Variants in ADCY9 observed in about 807,000 individuals in gnomAD.
ADCY9 encodes adenylate cyclase 9, also known as adenylate cyclase type 9.
Under a neutral mutation model 101.5 loss-of-function variants are expected in ADCY9, and 50 were observed. That is an observed-to-expected ratio of 0.49 (90% CI 0.39 to 0.62). The LOEUF (loss-of-function observed/expected upper bound fraction) is 0.62. Among genes scored for constraint, ADCY9 ranks in the 20% least tolerant of loss-of-function variants. The pLI, the probability that ADCY9 is intolerant of heterozygous loss-of-function variation, is 0.00. For missense variants in ADCY9, 1,662 were observed against 1,800.4 expected (o/e 0.92, Z 1.39); for synonymous variants, 905 against 769.3 (o/e 1.18, Z -2.92).
intron 2 of ADCY9, among the ~76,000 whole-genome samples, chr16:4,017,180 T>TTAA (rs528115192): frequency 4.7e-5 from 7 of 149,360 alleles, no homozygotes; most frequent in Non-Finnish European, 7.4e-5. Context: ...AATAATAATA[T>TTAA]TAATAATACA....
At chr16:4,100,040 C>A (rs943648507) in intron 2 of ADCY9, among the ~76,000 whole-genome samples, 1 of 152,028 alleles carries the variant, frequency 6.6e-6, no homozygotes, top group Non-Finnish European at 1.5e-5. Context: ...CCCCATGTGT[C>A]GAGGGAGGGA....
intron 2 of ADCY9, among the ~76,000 whole-genome samples, chr16:4,097,544 TATATA>T (rs1302073590): frequency 2.0e-5 from 1 of 50,256 alleles, no homozygotes; most frequent in African/African-American, 1.3e-4. Context: ...TATATATATA[TATATA>T]TATATTTTTT....
In ADCY9 at chr16:3,992,279, G is replaced by C. The variant is rs1321369782; in HGVS notation, c.2074C>G (p.Leu692Val). The change falls in exon 5 of 11, where the codon CTG becomes GTG. Residue 692 changes from leucine to valine, a missense_variant. By Grantham distance (32) the Leu-to-Val change is conservative. Around this residue, in one of 5 missense-constraint regions of ADCY9, gnomAD observed 624 missense variants for 639.1 expected, o/e 0.98. Transcript: ENST00000294016. The surrounding 1 kb of genome is among the most constrained non-coding windows in gnomAD (Gnocchi z 4.2). ...CCCTTCTCCTGCAAGATCTCACACA[G>C]AGAAGTCTGACTGTTGGTGAGCTTC... ...EEKLTNSQTS[L>V]CEILQEKGRW... The C allele has an allele frequency of 1.9e-6, 3 of 1,614,190 alleles. No individual in the cohort carries two copies. The highest frequency in any genetic ancestry group is 2.2e-5 in the South Asian group (2 of 91,084).
At chr16:4,108,673 A>T (rs1411196961) in intron 2 of ADCY9, among the ~76,000 whole-genome samples, 2 of 115,622 alleles carry the variant, frequency 1.7e-5, no homozygotes, top group African/African-American at 6.6e-5. Flanking sequence ...CGCCCGGCCC[A>T]TTTCTCCATA....
intron 2 of ADCY9, among the ~76,000 whole-genome samples, chr16:4,068,588 G>A (rs926827892): frequency 2.6e-5 from 4 of 152,062 alleles, no homozygotes; most frequent in Non-Finnish European, 5.9e-5. Context: ...GCCTAGATGA[G>A]CGGATCATGA....
At chr16:4,042,179 T>G (rs2056632190) in intron 2 of ADCY9, among the ~76,000 whole-genome samples, 2 of 152,172 alleles carry the variant, frequency 1.3e-5, no homozygotes, top group African/African-American at 2.4e-5. Flanking sequence ...CACCTCAGCC[T>G]CCGAAAGTGC....
At chr16:4,071,985 C>A (rs1423317760) in intron 2 of ADCY9, among the ~76,000 whole-genome samples, 3 of 152,128 alleles carry the variant, frequency 2.0e-5, no homozygotes, top group Non-Finnish European at 4.4e-5. Context: ...TCTCTGTGTG[C>A]ACAGAATTCT....
At chr16:4,100,621 C>T (rs1375813146) in intron 2 of ADCY9, among the ~76,000 whole-genome samples, 2 of 151,990 alleles carry the variant, frequency 1.3e-5, no homozygotes, top group East Asian at 1.9e-4. Context: ...GTGAGCCATG[C>T]ACCTGGCCTC....
chr16:4,074,558 A>T (rs1316984980), intron 2 of ADCY9, among the ~76,000 whole-genome samples: 6 of 151,254 alleles, frequency 4.0e-5, no homozygotes, highest in Non-Finnish European at 8.8e-5. Flanking sequence ...AATTTAAATT[A>T]AAAAAACAAT....
chr16:4,097,487 T>TATATATATATACACACAC lies in ADCY9; in HGVS notation c.1693+16262_1693+16263insGTGTGTGTATATATATAT, dbSNP rs76750792. Among the ~76,000 whole-genome samples, 559 of 72,198 alleles carry TATATATATATACACACAC rather than the reference T, an allele frequency of 7.7e-3. 2 individuals are homozygous for TATATATATATACACACAC. The highest frequency in any genetic ancestry group is 9.5e-3 in the Non-Finnish European group (358 of 37,508). 47.4% of individuals were successfully genotyped at this position (72,198 alleles called of 152,430 possible). ...ATATATATATATATATATATATATATACACACACACACACTATATATATGT... is the reference window on the plus strand; with the variant it reads ...ATATATATATATATATATATATATATATATATATATACACACACACACACACACACACTATATATATGT... On this transcript the variant is annotated intron_variant, in intron 2 of 10. Coordinates refer to ENST00000294016, the MANE Select transcript of ADCY9 (RefSeq NM_001116.4).
At chr16:3,989,145 T>TGCC (rs1409873337) in intron 5 of ADCY9, 49 bp from the exon 6 acceptor site, 2 of 1,339,522 alleles carry the variant, frequency 1.5e-6, no homozygotes, top group Non-Finnish European at 2.1e-6. Flanking sequence ...ACCATAACTG[T>TGCC]GCCAATGTTT....
chr16:4,113,709 G>A, intron 2 of ADCY9, 41 bp downstream of exon 2: 1 of 1,577,796 alleles, frequency 6.3e-7, no homozygotes, highest in East Asian at 2.3e-5. Context: ...ATACAATCAG[G>A]ATCAGGGAGG....
At chr16:4,071,332 C>CAAA (rs530420293) in intron 2 of ADCY9, among the ~76,000 whole-genome samples, 805 of 70,324 alleles carry the variant, frequency 0.011, 13 homozygotes, top group East Asian at 0.045. Context: ...ACTCAGTCTC[C>CAAA]AAAAAAAAAA....
chr16:4,058,157 T>TAAAA (rs56278937), intron 2 of ADCY9, among the ~76,000 whole-genome samples: 1 of 125,754 alleles, frequency 8.0e-6, no homozygotes, highest in Non-Finnish European at 1.7e-5. Context: ...AGACTCTGTC[T>TAAAA]AAAAAAAAAA....
At chr16:4,081,657 T>G (rs997820931) in intron 2 of ADCY9, among the ~76,000 whole-genome samples, 1 of 151,936 alleles carries the variant, frequency 6.6e-6, no homozygotes, top group African/African-American at 2.4e-5. Flanking sequence ...GACACCCACA[T>G]GTTCAACATC....
chr16:4,083,584 A>C (rs1169259042), intron 2 of ADCY9, among the ~76,000 whole-genome samples: 2 of 152,276 alleles, frequency 1.3e-5, no homozygotes, highest in Non-Finnish European at 2.9e-5. Flanking sequence ...TATTCATCAT[A>C]GTCAAAAAGT....
At chr16:4,104,686 T>TA (rs576719280) in intron 2 of ADCY9, among the ~76,000 whole-genome samples, 17 of 152,130 alleles carry the variant, frequency 1.1e-4, no homozygotes, top group Non-Finnish European at 2.2e-4. Flanking sequence ...CAGAATCACA[T>TA]AAAAAGGCTA....
chr16:4,070,584 G>A (rs1201374025), intron 2 of ADCY9, among the ~76,000 whole-genome samples: 3 of 152,120 alleles, frequency 2.0e-5, no homozygotes, highest in Admixed American at 6.6e-5. Flanking sequence ...CGAAGACCAA[G>A]GCAGGAGGAT....
chr16:4,031,254 A>G (rs2056553304), intron 2 of ADCY9, among the ~76,000 whole-genome samples: 1 of 152,222 alleles, frequency 6.6e-6, no homozygotes, highest in African/African-American at 2.4e-5. Flanking sequence ...TTCATAGGAG[A>G]TACATGCTGA....
Sources: gnomAD v4.1 joint callset for allele counts (sites outside exome capture counted in the v4.1 genomes callset) on GRCh38, gnomAD v4.1.1 for gene constraint, gnomAD v4.1.1 regional missense constraint, Gnocchi (gnomAD v3.1) non-coding constraint, MANE v1.5 for transcripts, NCBI Gene and HGNC (gene_info 2026-07-23, HGNC 2026-07-21) for gene names.